The following LRFN5 variants were observed in gnomAD, a reference collection of about 807,000 sequenced individuals.
LRFN5 encodes the protein leucine-rich repeat and fibronectin type-III domain-containing protein 5.
Under a neutral mutation model 45.6 loss-of-function variants are expected in LRFN5, and 24 were observed. That is an observed-to-expected ratio of 0.53 (90% CI 0.38 to 0.74). LRFN5 has a LOEUF of 0.74. Ranked by LOEUF, LRFN5 falls within the 30% of genes least tolerant of loss-of-function variation. LRFN5 has a pLI of 0.00. For missense variants in LRFN5, 776 were observed against 861.5 expected (o/e 0.90, Z 1.24); for synonymous variants, 340 against 313.8 (o/e 1.08, Z -0.88).
intron 4 of LRFN5, chr14:41,893,860 A>C: frequency 1.0e-6 from 1 of 985,322 alleles, no homozygotes; most frequent in South Asian, 4.7e-5. Context: ...AAGTCTAATT[A>C]TCCTTCACTG....
intron 4 of LRFN5, chr14:41,892,290 A>AGT: frequency 1.0e-6 from 1 of 969,574 alleles, no homozygotes; most frequent in South Asian, 4.8e-5. Flanking sequence ...TCTCAGGTAC[A>AGT]GTATATATAT....
At chr14:41,795,504 T>C (rs2138955312) in intron 2 of LRFN5, among the ~76,000 whole-genome samples, 1 of 152,176 alleles carries the variant, frequency 6.6e-6, no homozygotes, top group South Asian at 2.1e-4. Flanking sequence ...ACTATTACAA[T>C]AGCAAAGACT....
chr14:41,660,752 A>T (rs1339025835), intron 1 of LRFN5, among the ~76,000 whole-genome samples: 2 of 151,818 alleles, frequency 1.3e-5, no homozygotes, highest in Non-Finnish European at 2.9e-5. Context: ...TACAGTATTA[A>T]TCAGAATCTC....
chr14:41,795,073 G>A, intron 2 of LRFN5, among the ~76,000 whole-genome samples: 1 of 152,038 alleles, frequency 6.6e-6, no homozygotes, highest in African/African-American at 2.4e-5. Context: ...ATGTTTGGCA[G>A]CTAAATAGGT....
chr14:41,801,180 A>G (rs1887317743), intron 2 of LRFN5, among the ~76,000 whole-genome samples: 1 of 152,070 alleles, frequency 6.6e-6, no homozygotes, highest in Non-Finnish European at 1.5e-5. Context: ...TTAGCACTAA[A>G]TGATGTGTAA....
intron 2 of LRFN5, among the ~76,000 whole-genome samples, chr14:41,797,410 T>TC (rs1016710562): frequency 2.7e-4 from 41 of 151,718 alleles, no homozygotes; most frequent in African/African-American, 8.7e-4. Flanking sequence ...CTAAGTTTAG[T>TC]CATTGGAATA....
chr14:41,620,671 A>G (rs945557259), intron 1 of LRFN5, among the ~76,000 whole-genome samples: 4 of 152,118 alleles, frequency 2.6e-5, no homozygotes, highest in Admixed American at 2.6e-4. Context: ...GTATATGACT[A>G]TCGCACTTAT....
intron 2 of LRFN5, among the ~76,000 whole-genome samples, chr14:41,807,995 T>A (rs1887580103): frequency 6.6e-6 from 1 of 151,532 alleles, no homozygotes; most frequent in South Asian, 2.1e-4. Flanking sequence ...ATTTGGTGAT[T>A]TAAAATGTGC....
intron 1 of LRFN5, among the ~76,000 whole-genome samples, chr14:41,691,076 T>G (rs1208587985): frequency 3.3e-5 from 5 of 152,130 alleles, no homozygotes; most frequent in African/African-American, 1.2e-4. Context: ...ATTTTGAGTT[T>G]GCTGTTTTCT....
intron 2 of LRFN5, among the ~76,000 whole-genome samples, chr14:41,838,798 A>C (rs1156683446): frequency 6.6e-6 from 1 of 152,276 alleles, no homozygotes; most frequent in African/African-American, 2.4e-5. Flanking sequence ...GGGAATGTTG[A>C]CTAGAAAATA....
intron 2 of LRFN5, among the ~76,000 whole-genome samples, chr14:41,778,908 G>A (rs904315266): frequency 1.3e-5 from 2 of 151,632 alleles, no homozygotes; most frequent in African/African-American, 2.4e-5. Context: ...TTTTTAATCA[G>A]TTCTTTGGGA....
chr14:41,795,480 A>G (rs937826148), intron 2 of LRFN5, among the ~76,000 whole-genome samples: 11 of 152,124 alleles, frequency 7.2e-5, no homozygotes, highest in East Asian at 3.9e-4. Context: ...ATGCACACGT[A>G]TGTTTATTGT....
intron 1 of LRFN5, among the ~76,000 whole-genome samples, chr14:41,757,074 T>A (rs1308478909): frequency 1.3e-5 from 2 of 152,164 alleles, no homozygotes; most frequent in Non-Finnish European, 2.9e-5. Context: ...GAACAGAGGA[T>A]ATTGGTGAAC....
At chr14:41,835,612 G>A (rs1888634193) in intron 2 of LRFN5, among the ~76,000 whole-genome samples, 1 of 152,140 alleles carries the variant, frequency 6.6e-6, no homozygotes, top group South Asian at 2.1e-4. Context: ...CACAGTACCA[G>A]CTACCTGGGA....
At chr14:41,802,613 G>A (rs1887375090) in intron 2 of LRFN5, among the ~76,000 whole-genome samples, 1 of 152,102 alleles carries the variant, frequency 6.6e-6, no homozygotes, top group South Asian at 2.1e-4. Flanking sequence ...AATAGGCTAG[G>A]ATAAAATTTT....
At chr14:41,775,840 T>G (rs1010994940) in intron 2 of LRFN5, among the ~76,000 whole-genome samples, 24 of 152,240 alleles carry the variant, frequency 1.6e-4, no homozygotes, top group Non-Finnish European at 3.1e-4. Context: ...GGTTGTATTA[T>G]GAAGCATTTT....
At chr14:41,730,953 C>T (rs1451337461) in intron 1 of LRFN5, among the ~76,000 whole-genome samples, 2 of 151,824 alleles carry the variant, frequency 1.3e-5, no homozygotes, top group Non-Finnish European at 2.9e-5. Context: ...GGGTAGTACC[C>T]AATGGAGTGG....
At chr14:41,859,260 CTATATT>C (rs1889579177) in intron 2 of LRFN5, among the ~76,000 whole-genome samples, 1 of 152,134 alleles carries the variant, frequency 6.6e-6, no homozygotes, top group Admixed American at 6.6e-5. Flanking sequence ...AAAAATCAGA[CTATATT>C]TATGACTAAT....
chr14:41,726,242 A>T (rs1283826042), intron 1 of LRFN5, among the ~76,000 whole-genome samples: 1 of 152,086 alleles, frequency 6.6e-6, no homozygotes, highest in Non-Finnish European at 1.5e-5. Context: ...CTATCTGGTA[A>T]ACCTTGTTGT....
Sources: allele counts gnomAD v4.1 joint callset (sites outside exome capture counted in the v4.1 genomes callset), GRCh38; gene constraint gnomAD v4.1.1; transcripts MANE v1.5; gene names NCBI Gene and HGNC (gene_info 2026-07-23, HGNC 2026-07-21).